Variants in CASZ1 observed in about 807,000 individuals in gnomAD.
The protein encoded by CASZ1 is castor zinc finger 1.
CASZ1 carries 28 observed loss-of-function variants against 135.2 expected under a neutral mutation model. The ratio of observed to expected loss-of-function variants is 0.21; its 90% CI spans 0.15 to 0.28. The LOEUF is 0.28. Ranked by LOEUF, CASZ1 falls within the 10% of genes least tolerant of loss-of-function variation. CASZ1 has a pLI of 1.00. For missense variants in CASZ1, 2,161 were observed against 2,453.3 expected, an observed-to-expected ratio of 0.88 and a Z score of 2.52; for synonymous variants, 1,068 against 1,073.4, an observed-to-expected ratio of 0.99 and a Z score of 0.10.
chr1:10,654,300 C>T, intron 10 of CASZ1, 82 bp from the exon 11 acceptor site: 1 of 1,579,486 alleles, frequency 6.3e-7, no homozygotes, highest in Non-Finnish European at 8.6e-7. Flanking sequence ...GGGACAGTCC[C>T]CCGGGTGGAA....
Position 10,767,268 on chromosome 1 carries a change from C to T in CASZ1, c.-233-6411G>A, listed in dbSNP as rs1640493747. Among the ~76,000 whole-genome samples, 1 of 152,216 alleles carries T rather than the reference C, an allele frequency of 6.6e-6. No homozygotes were observed. The highest frequency in any genetic ancestry group is 1.5e-5 in the Non-Finnish European group (1 of 68,038). On this transcript the variant is annotated intron_variant, in intron 1 of 20. Coordinates refer to ENST00000377022, the MANE Select transcript of CASZ1 (RefSeq NM_001079843.3). The surrounding 1 kb of genome is among the most constrained non-coding windows in gnomAD (Gnocchi z 4.2). ...GATCAGCGATGTCCTCTGACCCTTC[C>T]CTCTACCCAGGCAGGCATCTCCAGA...
chr1:10,658,387 G>T, intron 7 of CASZ1, 121 bp downstream of exon 7: 1 of 758,068 alleles, frequency 1.3e-6, no homozygotes, highest in Non-Finnish European at 2.2e-6. Context: ...AGTGGATGGG[G>T]ATGGGAGGAG....
In CASZ1 at chr1:10,647,574, C is replaced by G; in HGVS notation, c.3497+227G>C. ...ACATGCCCTGCAGGAGCAGTAGCCACTGCCGCCACCATCGGCCCACGCGGG... is the reference window on the plus strand; with the variant it reads ...ACATGCCCTGCAGGAGCAGTAGCCAGTGCCGCCACCATCGGCCCACGCGGG... On this transcript the variant is annotated intron_variant, in intron 16 of 20. Transcript: ENST00000377022. The surrounding 1 kb of genome is among the most constrained non-coding windows in gnomAD (Gnocchi z 4.9). 1 of 1,415,566 alleles carries G rather than the reference C, an allele frequency of 7.1e-7. No homozygotes were observed. The highest frequency in any genetic ancestry group is 9.2e-7 in the Non-Finnish European group (1 of 1,086,902). The allele number at this position is 1,415,566 out of a possible 1,614,324, so 87.7% of individuals were successfully genotyped here.
chr1:10,673,711 A>G (rs1318427856), intron 4 of CASZ1, among the ~76,000 whole-genome samples: 1 of 152,076 alleles, frequency 6.6e-6, no homozygotes, highest in Non-Finnish European at 1.5e-5. Context: ...GGGGGCTCTC[A>G]CCTCCAGCTC....
At chr1:10,778,560 TCA>T (rs1640703235) in intron 1 of CASZ1, among the ~76,000 whole-genome samples, 1 of 151,970 alleles carries the variant, frequency 6.6e-6, no homozygotes, top group East Asian at 1.9e-4. Flanking sequence ...GAACACAATC[TCA>T]CACACACAAA....
intron 2 of CASZ1, among the ~76,000 whole-genome samples, chr1:10,723,310 T>G (rs1419106409): frequency 1.3e-5 from 2 of 152,122 alleles, no homozygotes; most frequent in Non-Finnish European, 2.9e-5. Flanking sequence ...TGCTTCTACT[T>G]CACTTGTGCC....
In CASZ1 at chr1:10,794,421, C is replaced by T. The variant is rs117927896; in HGVS notation, c.-234+2143G>A. 6.6e-6 allele frequency among the ~76,000 whole-genome samples: 1 copy of T among 152,126 alleles called. No individual in the cohort carries two copies. Among genetic ancestry groups the T allele is most frequent in the African/African-American group, 2.4e-5 (1 of 41,418 alleles). ...CTACGCACAATGAGGGCCGCACCCCCACACTCCACTCGGTCAGAAACGCAC... is the reference window on the plus strand; with the variant it reads ...CTACGCACAATGAGGGCCGCACCCCTACACTCCACTCGGTCAGAAACGCAC... On this transcript the variant is annotated intron_variant, in intron 1 of 20. Transcript: ENST00000377022. The surrounding 1 kb of genome is among the most constrained non-coding windows in gnomAD (Gnocchi z 5.6).
At chr1:10,738,041 G>C (rs995967271) in intron 2 of CASZ1, among the ~76,000 whole-genome samples, 1 of 152,188 alleles carries the variant, frequency 6.6e-6, no homozygotes, top group African/African-American at 2.4e-5. Context: ...GCCCCAGACA[G>C]GACGGCTGCA....
At chr1:10,731,016 G>A (rs1639693601) in intron 2 of CASZ1, among the ~76,000 whole-genome samples, 1 of 152,064 alleles carries the variant, frequency 6.6e-6, no homozygotes. Context: ...TGAGGCGGGA[G>A]AATCACTTGA....
chr1:10,686,041 A>G (rs1292300073), intron 4 of CASZ1, among the ~76,000 whole-genome samples: 1 of 152,126 alleles, frequency 6.6e-6, no homozygotes, highest in Non-Finnish European at 1.5e-5. Context: ...GAGGTAGACC[A>G]TGCTGCTGGG....
chr1:10,744,337 A>G (rs573643885), intron 2 of CASZ1, among the ~76,000 whole-genome samples: 77 of 152,088 alleles, frequency 5.1e-4, no homozygotes, highest in African/African-American at 1.8e-3. Flanking sequence ...TTAGCAGAAG[A>G]GAGACACGGC....
At position 10,725,164 on chromosome 1, in the gene CASZ1, C is replaced by T. The variant is rs145603992; in HGVS notation, c.-76-19620G>A. ...TTGGCCAGGGAGCCCTGGATGGATA[C>T]GGCGAGAACGTGTTAAGACCAAGGA... On this transcript the variant is annotated intron_variant, in intron 2 of 20. Coordinates refer to ENST00000377022, the MANE Select transcript of CASZ1 (RefSeq NM_001079843.3). The surrounding 1 kb of genome is among the most constrained non-coding windows in gnomAD (Gnocchi z 4.4). 2.0e-5 allele frequency among the ~76,000 whole-genome samples: 3 copies of T among 152,242 alleles called. No homozygotes were observed. The highest frequency in any genetic ancestry group is 4.4e-5 in the Non-Finnish European group (3 of 68,002).
chr1:10,675,019 C>A (rs1316712884), intron 4 of CASZ1, among the ~76,000 whole-genome samples: 1 of 152,106 alleles, frequency 6.6e-6, no homozygotes, highest in African/African-American at 2.4e-5. Context: ...TCAGATACCC[C>A]CCGCAACCAA....
Position 10,639,098 on chromosome 1 carries a change from C to T in CASZ1, c.5124G>A (p.Glu1708=). The T allele has an allele frequency of 8.9e-7, 1 of 1,119,746 alleles. No individual in the cohort carries two copies. Among genetic ancestry groups the T allele is most frequent in the Non-Finnish European group, 1.1e-6 (1 of 886,140 alleles). The allele number at this position is 1,119,746 out of a possible 1,614,324, so 69.4% of individuals were successfully genotyped here. The change falls in exon 21 of 21, where the codon GAG becomes GAA. Residue 1708 remains glutamate (E), a synonymous_variant. Transcript: ENST00000377022. This position sits in a 1 kb window ranked among gnomAD's most constrained non-coding sequence, Gnocchi z 4.0. ...DEDDDDEDDD[E]DDDDEDLRTD... is the part of the protein sequence containing the mutation. ...TGCGCAGGTCCTCGTCGTCGTCGTC[C>T]TCGTCGTCGTCCTCGTCGTCGTCGT...
chr1:10,674,026 G>C (rs1643488144), intron 4 of CASZ1, among the ~76,000 whole-genome samples: 1 of 152,244 alleles, frequency 6.6e-6, no homozygotes, highest in Non-Finnish European at 1.5e-5. Context: ...CAGACGGACA[G>C]ACTGACAGAT....
intron 1 of CASZ1, among the ~76,000 whole-genome samples, chr1:10,781,015 G>A (rs1640753653): frequency 6.6e-6 from 1 of 152,182 alleles, no homozygotes; most frequent in African/African-American, 2.4e-5. Context: ...AGGGACAGAG[G>A]CAAGACCCTT....
At chr1:10,716,617 A>G (rs549935376) in intron 2 of CASZ1, among the ~76,000 whole-genome samples, 1 of 152,288 alleles carries the variant, frequency 6.6e-6, no homozygotes, top group Non-Finnish European at 1.5e-5. Flanking sequence ...GCAGAGAGTA[A>G]GAAGAGGAAG....
Position 10,680,553 on chromosome 1 carries a change from G to A in CASZ1, c.16+13321C>T, listed in dbSNP as rs189975163. ...GGTCTCAGGGGGTGCAGTGTTGCACGCTCCAGCATTACTGTGTCACACTCC... is the reference window on the plus strand; with the variant it reads ...GGTCTCAGGGGGTGCAGTGTTGCACACTCCAGCATTACTGTGTCACACTCC... On this transcript the variant is annotated intron_variant, in intron 4 of 20. Transcript: ENST00000377022. Among the ~76,000 whole-genome samples the A allele has an allele frequency of 1.3e-3, 194 of 152,316 alleles. 1 individual carries two copies. Among genetic ancestry groups the A allele is most frequent in the African/African-American group, 4.5e-3 (188 of 41,576 alleles).
intron 2 of CASZ1, among the ~76,000 whole-genome samples, chr1:10,737,351 G>A (rs937917491): frequency 4.8e-5 from 7 of 146,066 alleles, no homozygotes; most frequent in African/African-American, 1.7e-4. Context: ...GGAGCCCAGG[G>A]CTGCCGTCAG....
Sources: allele counts gnomAD v4.1 joint callset (sites outside exome capture counted in the v4.1 genomes callset), GRCh38; gene constraint gnomAD v4.1.1; non-coding constraint Gnocchi (gnomAD v3.1); transcripts MANE v1.5; gene names NCBI Gene and HGNC (gene_info 2026-07-23, HGNC 2026-07-21).